Variants in PITRM1 observed in about 807,000 individuals in gnomAD.
PITRM1 encodes the protein presequence protease, mitochondrial.
In PITRM1, 100 loss-of-function variants were observed where a neutral mutation model predicts 129.9. The observed-to-expected ratio is 0.77, with a 90% confidence interval of 0.65 to 0.91. The LOEUF (loss-of-function observed/expected upper bound fraction) is 0.91, where lower values mean the gene tolerates loss of function less well. Ranked by LOEUF, PITRM1 falls within the 40% of genes least tolerant of loss-of-function variation. PITRM1 has a pLI of 0.00. For missense variants in PITRM1, 1,471 were observed against 1,318.3 expected (o/e 1.12, Z -1.79); for synonymous variants, 591 against 508.8 (o/e 1.16, Z -2.17).
At chr10:3,170,031 C>G in intron 2 of PITRM1, 73 bp downstream of exon 2, 1 of 1,134,150 alleles carries the variant, frequency 8.8e-7, no homozygotes, top group Non-Finnish European at 1.3e-6. Context: ...CCCTGAAGGG[C>G]TCCGTACATA....
At chr10:3,167,275 A>AAGAGAGAG (rs201491690) in intron 2 of PITRM1, among the ~76,000 whole-genome samples, 12 of 124,726 alleles carry the variant, frequency 9.6e-5, no homozygotes, top group Admixed American at 1.5e-4. Flanking sequence ...TGTGTATAGA[A>AAGAGAGAG]AGAGAGAGAG....
intron 7 of PITRM1, among the ~76,000 whole-genome samples, chr10:3,160,815 C>T (rs1388488868): frequency 1.3e-5 from 2 of 151,800 alleles, no homozygotes; most frequent in African/African-American, 4.8e-5. Flanking sequence ...GGCTGGAGTG[C>T]AATGGCACAA....
chr10:3,138,002 G>C lies in PITRM1; in HGVS notation c.*29C>G. 1 of 1,324,736 alleles carries C rather than the reference G, an allele frequency of 7.5e-7. No individual in the cohort carries two copies. The highest frequency in any genetic ancestry group is 1.1e-6 in the Non-Finnish European group (1 of 930,158). The allele number at this position is 1,324,736 out of a possible 1,614,324, so 82.1% of individuals were successfully genotyped here. A position where few individuals can be genotyped will look rare whatever the true frequency, so the allele number is the denominator to read the frequency against. On this transcript the variant is annotated 3_prime_UTR_variant, in exon 27 of 27. Transcript: ENST00000224949. ...TCAGCTCGGAGGTGTATTGTCTCGG[G>C]CTCCTGTGCAGTCGAGCGCCACGGC... is the stretch of plus-strand genomic sequence containing the variant.
Position 3,143,109 on chromosome 10 carries a change from G to C in PITRM1, c.2645+280C>G, listed in dbSNP as rs1588635339. 5 of 418,632 alleles carry C rather than the reference G, an allele frequency of 1.2e-5. No individual in the cohort carries two copies. The East Asian group carries it at 2.3e-4, about 19-fold the overall frequency. 25.9% of individuals were successfully genotyped at this position (418,632 alleles called of 1,614,324 possible). A position where few individuals can be genotyped will look rare whatever the true frequency, so the allele number is the denominator to read the frequency against. On this transcript the variant is annotated intron_variant, in intron 23 of 26. Transcript: ENST00000224949. ...ATGAGGTGAGTACATGGGGCATGTT[G>C]AAAGCAGTCTGTGTTTAAGGTCATA...
At chr10:3,148,461 C>T (rs1265566367) in intron 16 of PITRM1, 170 bp from the exon 17 acceptor site, 6 of 761,198 alleles carry the variant, frequency 7.9e-6, no homozygotes, top group South Asian at 2.3e-5. Context: ...CCTTCGCCCT[C>T]GAGAGTTCAT....
intron 21 of PITRM1, chr10:3,144,928 CCTTT>C (rs1406299936): frequency 2.0e-5 from 3 of 152,446 alleles, no homozygotes; most frequent in East Asian, 1.9e-4. Context: ...AATATTTTAA[CCTTT>C]CTTTCTGCAC....
intron 3 of PITRM1, among the ~76,000 whole-genome samples, chr10:3,166,622 A>C (rs976081103): frequency 1.3e-5 from 2 of 152,234 alleles, no homozygotes; most frequent in African/African-American, 4.8e-5. Context: ...TAAAAATACT[A>C]GTGAGATGAT....
intron 22 of PITRM1, 119 bp downstream of exon 22, chr10:3,144,173 C>T (rs1840586545): frequency 1.5e-6 from 1 of 653,490 alleles, no homozygotes; most frequent in African/African-American, 1.8e-5. Flanking sequence ...ACTCGCAACT[C>T]TAGGGACACG....
At chr10:3,148,889 A>G (rs1383536405) in intron 16 of PITRM1, 1 of 152,412 alleles carries the variant, frequency 6.6e-6, no homozygotes, top group Admixed American at 6.5e-5. Flanking sequence ...ATTTAAAAAG[A>G]AAGGCAGGGA....
chr10:3,172,457 G>A (rs1413896876), intron 1 of PITRM1, among the ~76,000 whole-genome samples: 1 of 152,218 alleles, frequency 6.6e-6, no homozygotes, highest in African/African-American at 2.4e-5. Flanking sequence ...CTAATGGAGG[G>A]CCCCGCCGGG....
At chr10:3,141,582 G>A (rs1333343580) in intron 23 of PITRM1, 3 of 430,492 alleles carry the variant, frequency 7.0e-6, no homozygotes, top group East Asian at 7.6e-5. Context: ...ACTGTGAACG[G>A]TAACATCACA....
intron 3 of PITRM1, 80 bp from the exon 4 acceptor site, chr10:3,166,460 G>C (rs1310062863): frequency 1.6e-5 from 12 of 751,304 alleles, no homozygotes; most frequent in Admixed American, 1.4e-4. Context: ...CATCACCTCA[G>C]GCTACTAGAA....
Position 3,157,208 on chromosome 10 carries a change from TTGGA to T in PITRM1, c.1348-148_1348-145del, listed in dbSNP as rs1419553588. 3.0e-5 allele frequency: 25 copies of T among 846,056 alleles called. 1 individual carries two copies. The highest frequency in any genetic ancestry group is 3.3e-5 in the Non-Finnish European group (19 of 575,446). 52.4% of individuals were successfully genotyped at this position (846,056 alleles called of 1,614,324 possible). Reference sequence around the variant, plus strand: ...TTTATAACAAAAGTCATGTAATTCTTTGGATGGAGAAACAAAAAAACTTACTTTA... The same window carrying T: ...TTTATAACAAAAGTCATGTAATTCTTTGGAGAAACAAAAAAACTTACTTTA... On this transcript the variant is annotated intron_variant, in intron 12 of 26. Coordinates refer to ENST00000224949, the MANE Select transcript of PITRM1 (RefSeq NM_014889.4).
In PITRM1 at chr10:3,165,436, T is replaced by TG; in HGVS notation, c.509dup (p.Cys171MetfsTer17). 1 of 1,613,088 alleles carries TG rather than the reference T, an allele frequency of 6.2e-7. No individual in the cohort carries two copies. Among genetic ancestry groups the TG allele is most frequent in the Non-Finnish European group, 8.5e-7 (1 of 1,179,524 alleles). ...ACCAGAAATCCAGCTCGCGTAAACA[T>TG]GGGAAAAAGGTGGCATCCAAATACA... On this transcript the variant is annotated frameshift_variant, in exon 5 of 27. Transcript: ENST00000224949. LOFTEE classifies it high-confidence loss of function.
In PITRM1 at chr10:3,147,008, T is replaced by G. The variant is rs1840945648; in HGVS notation, c.2336+142A>C. The stretch of plus-strand genomic sequence containing the variant: ...ATAGGCTTAAAATATTTTCTTAGTT[T>G]GTTAGAACACTTGACATTTACAATA... On this transcript the variant is annotated intron_variant, in intron 20 of 26. Coordinates refer to ENST00000224949, the MANE Select transcript of PITRM1 (RefSeq NM_014889.4). The G allele has an allele frequency of 5.9e-6, 3 of 508,874 alleles. No homozygotes were observed. In the East Asian group the frequency reaches 1.0e-4, roughly 17 times the overall value. The allele number at this position is 508,874 out of a possible 1,614,324, so 31.5% of individuals were successfully genotyped here.
intron 15 of PITRM1, among the ~76,000 whole-genome samples, chr10:3,150,588 G>T (rs1841419913): frequency 6.6e-6 from 1 of 152,156 alleles, no homozygotes; most frequent in South Asian, 2.1e-4. Context: ...ACACCCGCTG[G>T]TAAGCTCAGC....
At position 3,158,960 on chromosome 10, in the gene PITRM1, C is replaced by T. The variant is rs746296144; in HGVS notation, c.1090G>A (p.Ala364Thr). The T allele has an allele frequency of 6.2e-6, 10 of 1,613,250 alleles. No individual in the cohort carries two copies. In the East Asian group the frequency reaches 2.2e-4, roughly 36 times the overall value. Residue 364 changes from alanine to threonine, a missense_variant, in exon 10 of 27, where the codon GCC becomes ACC. Ala to Thr is a moderately conservative substitution (Grantham distance 58). Transcript: ENST00000224949. ...TSGPNSPFYK[A>T]LIESGLGTDF... Reference sequence around the variant, plus strand: ...GTGCCAAGGCCAGATTCAATCAAGGCTTTGTAAAAGGGAGAATTGGGCCCA... The same window carrying T: ...GTGCCAAGGCCAGATTCAATCAAGGTTTTGTAAAAGGGAGAATTGGGCCCA...
rs1842096234 is a variant in PITRM1 at position 3,157,760 on chromosome 10, C to T, written c.1251-229G>A. ...GCTGAGGTGGAAGGATCACCTGAGC[C>T]TGGTAGGGGAGGAAAATGCAGTGAG... On this transcript the variant is annotated intron_variant, in intron 11 of 26. Coordinates refer to ENST00000224949, the MANE Select transcript of PITRM1 (RefSeq NM_014889.4). Among the ~76,000 whole-genome samples the T allele has an allele frequency of 2.6e-5, 4 of 152,244 alleles. No individual in the cohort carries two copies. In the South Asian group the frequency reaches 8.3e-4, roughly 32 times the overall value.
chr10:3,156,579 A>G (rs1842001781), intron 13 of PITRM1, among the ~76,000 whole-genome samples: 2 of 152,258 alleles, frequency 1.3e-5, no homozygotes, highest in Admixed American at 1.3e-4. Context: ...CGCAAGCATC[A>G]AAAGAATTCA....
Sources: allele counts gnomAD v4.1 joint callset (sites outside exome capture counted in the v4.1 genomes callset), GRCh38; gene constraint gnomAD v4.1.1; transcripts MANE v1.5; gene names NCBI Gene and HGNC (gene_info 2026-07-23, HGNC 2026-07-21).